Variants in COL26A1 observed in about 807,000 individuals in gnomAD.
The protein encoded by COL26A1 is collagen alpha-1(XXVI) chain.
Under a neutral mutation model 59.3 loss-of-function variants are expected in COL26A1, and 41 were observed. The observed-to-expected ratio is 0.69, with a 90% CI of 0.54 to 0.90. The LOEUF (loss-of-function observed/expected upper bound fraction) is 0.90. Among genes scored for constraint, COL26A1 ranks in the 40% least tolerant of loss-of-function variants. The pLI is 0.00. For synonymous variants in COL26A1, 266 were observed against 256.0 expected, an observed-to-expected ratio of 1.04 and a Z score of -0.37; for missense variants, 612 against 602.3, an observed-to-expected ratio of 1.02 and a Z score of -0.17.
chr7:101,555,315 A>G (rs73715306), intron 11 of COL26A1, among the ~76,000 whole-genome samples: 3,613 of 152,026 alleles, frequency 0.024, 149 homozygotes, highest in African/African-American at 0.081. Context: ...GGCCACACCT[A>G]CCCTGCCCCT....
intron 10 of COL26A1, 96 bp downstream of exon 10, chr7:101,551,239 T>C: frequency 1.2e-6 from 1 of 869,548 alleles, no homozygotes; most frequent in Non-Finnish European, 1.8e-6. Context: ...GTGGGGGGGT[T>C]CAGCCCTGGG....
At chr7:101,385,262 C>T (rs1042471089) in intron 1 of COL26A1, among the ~76,000 whole-genome samples, 2 of 149,100 alleles carry the variant, frequency 1.3e-5, no homozygotes, top group Admixed American at 6.7e-5. Flanking sequence ...CACACACACA[C>T]ATATATATGT....
chr7:101,389,833 G>A (rs1017504257), intron 1 of COL26A1, among the ~76,000 whole-genome samples: 17 of 152,054 alleles, frequency 1.1e-4, no homozygotes, highest in African/African-American at 3.6e-4. Context: ...GATTACAGGC[G>A]TGAGCCACCG....
chr7:101,410,153 A>G (rs1396393057), intron 1 of COL26A1, among the ~76,000 whole-genome samples: 1 of 151,404 alleles, frequency 6.6e-6, no homozygotes, highest in Non-Finnish European at 1.5e-5. Context: ...GGGTGTTAAA[A>G]CTATCTTTGT....
intron 1 of COL26A1, among the ~76,000 whole-genome samples, chr7:101,385,009 G>A (rs1791532110): frequency 6.6e-6 from 1 of 152,044 alleles, no homozygotes; most frequent in Admixed American, 6.6e-5. Context: ...AAGGCTGGAA[G>A]ACTCAGCAAG....
chr7:101,362,937 GCTCC>G lies in COL26A1; in HGVS notation c.-94_-91del. On this transcript the variant is annotated 5_prime_UTR_variant, in exon 1 of 13. Transcript: ENST00000313669. The stretch of plus-strand genomic sequence containing the variant: ...CCGCTCGCCCCGCTCCTCTCGCTGT[GCTCC>G]CGGCCGGTGCCGCGGGTTCGGTCCG... The G allele has an allele frequency of 1.5e-6, 2 of 1,318,400 alleles. No individual in the cohort carries two copies. The highest frequency in any genetic ancestry group is 1.0e-6 in the Non-Finnish European group (1 of 992,544). The allele number at this position is 1,318,400 out of a possible 1,614,324, so 81.7% of individuals were successfully genotyped here.
intron 8 of COL26A1, among the ~76,000 whole-genome samples, chr7:101,548,684 G>C (rs965696245): frequency 1.3e-5 from 2 of 152,016 alleles, no homozygotes; most frequent in African/African-American, 4.8e-5. Context: ...GAAGGGGCCG[G>C]GCTGAGGACT....
At chr7:101,534,951 A>ATTAG (rs1190892877) in intron 4 of COL26A1, among the ~76,000 whole-genome samples, 3 of 152,196 alleles carry the variant, frequency 2.0e-5, no homozygotes, top group Non-Finnish European at 4.4e-5. Context: ...GGAGTCAAGG[A>ATTAG]TTAGTGCTGT....
chr7:101,540,690 C>T (rs1795596745), intron 5 of COL26A1, among the ~76,000 whole-genome samples: 1 of 151,754 alleles, frequency 6.6e-6, no homozygotes, highest in Non-Finnish European at 1.5e-5. Flanking sequence ...CCCATTTCTA[C>T]TGAAAATACA....
chr7:101,446,615 G>A (rs1250840918), intron 2 of COL26A1, among the ~76,000 whole-genome samples: 2 of 152,204 alleles, frequency 1.3e-5, no homozygotes, highest in African/African-American at 4.8e-5. Context: ...GGAAGGCTGA[G>A]GTGGGTGGAT....
At chr7:101,381,609 A>G (rs1791450420) in intron 1 of COL26A1, among the ~76,000 whole-genome samples, 1 of 152,206 alleles carries the variant, frequency 6.6e-6, no homozygotes, top group Non-Finnish European at 1.5e-5. Flanking sequence ...GGAGAGAAAG[A>G]GCGAGAGATT....
At position 101,528,265 on chromosome 7, in the gene COL26A1, C is replaced by T. The variant is rs190141030; in HGVS notation, c.386-4817C>T. Among the ~76,000 whole-genome samples the T allele has an allele frequency of 3.9e-5, 6 of 152,298 alleles. No individual in the cohort carries two copies. The East Asian group carries it at 1.2e-3, about 30-fold the overall frequency. On this transcript the variant is annotated intron_variant, in intron 3 of 12. Coordinates refer to ENST00000313669, the MANE Select transcript of COL26A1 (RefSeq NM_001278563.3). ...AGGTCTTTGAGAGAGCTGGGCCTCC[C>T]CCTCCATCCGCTGAACTTCCACCAT...
chr7:101,393,347 C>A (rs1791777866), intron 1 of COL26A1, among the ~76,000 whole-genome samples: 1 of 152,110 alleles, frequency 6.6e-6, no homozygotes, highest in Non-Finnish European at 1.5e-5. Flanking sequence ...CAGTCTGAGT[C>A]CCAAAGCTGA....
At chr7:101,395,924 C>T (rs1299980632) in intron 1 of COL26A1, among the ~76,000 whole-genome samples, 4 of 152,108 alleles carry the variant, frequency 2.6e-5, no homozygotes, top group Non-Finnish European at 4.4e-5. Flanking sequence ...GGGAGAAAAC[C>T]TTCTGGAACT....
chr7:101,385,856 C>G (rs1791561909), intron 1 of COL26A1, among the ~76,000 whole-genome samples: 1 of 152,006 alleles, frequency 6.6e-6, no homozygotes, highest in Non-Finnish European at 1.5e-5. Flanking sequence ...AGGCGCCCAC[C>G]ACCACGCCCG....
chr7:101,429,018 G>A (rs1792713568), intron 2 of COL26A1, among the ~76,000 whole-genome samples: 1 of 151,178 alleles, frequency 6.6e-6, no homozygotes, highest in Admixed American at 6.6e-5. Flanking sequence ...TCTGCCTCCA[G>A]GTTCAAGCAG....
At chr7:101,537,259 C>T (rs941775218) in intron 4 of COL26A1, among the ~76,000 whole-genome samples, 11 of 152,134 alleles carry the variant, frequency 7.2e-5, no homozygotes, top group Non-Finnish European at 1.2e-4. Context: ...AGCAGGGTAC[C>T]GGGGAAGATT....
chr7:101,450,123 C>CAAAA (rs59531271), intron 3 of COL26A1, among the ~76,000 whole-genome samples: 6 of 99,956 alleles, frequency 6.0e-5, no homozygotes, highest in African/African-American at 1.6e-4. Flanking sequence ...GACTCAGTCT[C>CAAAA]AAAAAAAAAA....
chr7:101,401,465 GAGA>G (rs1288190746), intron 1 of COL26A1, among the ~76,000 whole-genome samples: 3 of 151,726 alleles, frequency 2.0e-5, no homozygotes, highest in Admixed American at 1.3e-4. Flanking sequence ...GAAGGAAGAG[GAGA>G]AGGAGGAGGA....
Sources: allele counts gnomAD v4.1 joint callset (sites outside exome capture counted in the v4.1 genomes callset), GRCh38; gene constraint gnomAD v4.1.1; transcripts MANE v1.5; gene names NCBI Gene and HGNC (gene_info 2026-07-23, HGNC 2026-07-21).